PKD1L1: variants seen among roughly 807,000 people sequenced by gnomAD.
The protein encoded by PKD1L1 is polycystin 1 like 1, transient receptor potential channel interacting, also known as polycystin-1-like protein 1.
A neutral mutation model predicts 323.4 loss-of-function variants in PKD1L1; 236 were observed. That is an observed-to-expected ratio of 0.73 (90% CI 0.66 to 0.81). The LOEUF is 0.81. Among genes scored for constraint, PKD1L1 ranks in the 40% least tolerant of loss-of-function variants. The pLI is 0.00. For synonymous variants in PKD1L1, 1,344 were observed against 1,335.0 expected (o/e 1.01, Z -0.15); for missense variants, 3,320 against 3,508.0 (o/e 0.95, Z 1.35).
At position 47,835,003 on chromosome 7, in the gene PKD1L1, G is replaced by A. The variant is rs1202998362; in HGVS notation, c.6091C>T (p.Pro2031Ser). 6.2e-7 allele frequency: 1 copy of A among 1,613,906 alleles called. No homozygotes were observed. ...TCGGTCTGTGCTCCTCCTCTAAGTG[G>A]GCTGTGTGGCTCCACTCGGGCAGAC... ...PGSARVEPHS[P>S]LRGGAQTEAP... Residue 2031 changes from proline to serine, a missense_variant, in exon 39 of 57, where the codon CCA (proline) becomes TCA (serine). Transcript: ENST00000289672.
intron 6 of PKD1L1, 86 bp downstream of exon 6, chr7:47,931,018 C>T (rs1787758736): frequency 2.2e-6 from 3 of 1,336,392 alleles, no homozygotes; most frequent in African/African-American, 2.9e-5. Context: ...AACGAAGATA[C>T]TAAAATCACT....
At chr7:47,952,115 C>T (rs1369672921), upstream of PKD1L1, among the ~76,000 whole-genome samples, 1 of 152,218 alleles carries the variant, frequency 6.6e-6, no homozygotes, top group Admixed American at 6.5e-5. Flanking sequence ...CCTATCCCCA[C>T]TCCCAGCCCA....
chr7:47,852,864 G>T lies in PKD1L1; in HGVS notation c.4960+263C>A, dbSNP rs532988664. Among the ~76,000 whole-genome samples, 6 of 152,234 alleles carry T rather than the reference G, an allele frequency of 3.9e-5. No individual in the cohort carries two copies. In the East Asian group the frequency reaches 1.2e-3, roughly 29 times the overall value. ...AGCACAAGCAGAGCCCTAAGGATCAGGAGGAGGCGCCAGAGACCACCTGGG... is the reference window on the plus strand; with the variant it reads ...AGCACAAGCAGAGCCCTAAGGATCATGAGGAGGCGCCAGAGACCACCTGGG... On this transcript the variant is annotated intron_variant, in intron 31 of 56. Transcript: ENST00000289672.
chr7:47,899,398 C>G (rs962142672), intron 13 of PKD1L1, among the ~76,000 whole-genome samples: 5 of 147,662 alleles, frequency 3.4e-5, no homozygotes, highest in African/African-American at 1.2e-4. Context: ...CTTTAATAAG[C>G]CAATGAGGAT....
At chr7:47,845,342 T>C (rs1027425814) in intron 32 of PKD1L1, among the ~76,000 whole-genome samples, 1 of 152,176 alleles carries the variant, frequency 6.6e-6, no homozygotes, top group African/African-American at 2.4e-5. Flanking sequence ...CTCCACAGCA[T>C]ATGGCGGTCT....
the PKD1L1 span, among the ~76,000 whole-genome samples, chr7:47,958,994 GT>G: frequency 6.6e-6 from 1 of 152,234 alleles, no homozygotes; most frequent in Non-Finnish European, 1.5e-5. Context: ...ACTGGTTTTC[GT>G]ATTTTTTTGG....
chr7:47,796,797 C>T (rs1241769327), intron 54 of PKD1L1, among the ~76,000 whole-genome samples: 2 of 146,380 alleles, frequency 1.4e-5, no homozygotes, highest in Non-Finnish European at 3.0e-5. Flanking sequence ...ACCATCCTGG[C>T]TAACATGGTG....
At chr7:47,819,285 A>C (rs1785088799) in intron 46 of PKD1L1, among the ~76,000 whole-genome samples, 1 of 152,198 alleles carries the variant, frequency 6.6e-6, no homozygotes, top group Non-Finnish European at 1.5e-5. Flanking sequence ...GAATGTGAGC[A>C]CATCAATCTC....
At chr7:47,891,477 C>A (rs1249049970) in intron 15 of PKD1L1, among the ~76,000 whole-genome samples, 2 of 152,218 alleles carry the variant, frequency 1.3e-5, no homozygotes, top group Non-Finnish European at 2.9e-5. Flanking sequence ...GAAGGCCTGG[C>A]CCCATCCCGC....
In PKD1L1 at chr7:47,857,752, G is replaced by C. The variant is rs1187842686; in HGVS notation, c.4443C>G (p.Val1481=). ...TLLHYNLQSS[V]QSLGSVQVHL... ...GCACCTGGACAGATCCCAGGCTCTG[G>C]ACAGAGCTCTGAAGGTTGTAATGAA... is the stretch of plus-strand genomic sequence containing the variant. The change falls in exon 28 of 57, where the codon GTC becomes GTG. Residue 1481 remains valine (V), a synonymous_variant. Coordinates refer to ENST00000289672, the MANE Select transcript of PKD1L1 (RefSeq NM_138295.5). 3.1e-6 allele frequency: 5 copies of C among 1,614,120 alleles called. No homozygotes were observed. The highest frequency in any genetic ancestry group is 2.2e-5 in the East Asian group (1 of 44,856).
intron 48 of PKD1L1, 105 bp from the exon 49 acceptor site, chr7:47,813,398 G>A (rs1272465489): frequency 5.1e-6 from 6 of 1,187,582 alleles, no homozygotes; most frequent in Non-Finnish European, 7.3e-6. Flanking sequence ...GCTCTGTCCT[G>A]CAACATGGCA....
intron 9 of PKD1L1, among the ~76,000 whole-genome samples, chr7:47,907,115 G>T (rs538857698): frequency 6.6e-6 from 1 of 152,138 alleles, no homozygotes; most frequent in Non-Finnish European, 1.5e-5. Flanking sequence ...GTTAGGGTAG[G>T]CAAACAGGTT....
chr7:47,877,241 T>C (rs746203593), intron 22 of PKD1L1, among the ~76,000 whole-genome samples: 26 of 152,170 alleles, frequency 1.7e-4, no homozygotes, highest in Non-Finnish European at 3.4e-4. Flanking sequence ...CGACTCCTGG[T>C]GAGCAGGCCC....
Position 47,792,739 on chromosome 7 carries a change from C to G in PKD1L1, c.8414G>C (p.Gly2805Ala). The G allele has an allele frequency of 8.7e-6, 14 of 1,613,994 alleles. No homozygotes were observed. Among genetic ancestry groups the G allele is most frequent in the Non-Finnish European group, 1.1e-5 (13 of 1,179,968 alleles). Residue 2805 changes from glycine to alanine, a missense_variant, in exon 56 of 57, where the codon GGT becomes GCT. Gly to Ala is a moderately conservative substitution (Grantham distance 60). Transcript: ENST00000289672. ...GGGGAGTTGTAGGCTGTCGGACAAA[C>G]CATTAATCTTCATCAGAAGTTCGTC... ...LLDELLMKINGLSDSLQLPLL... is the reference protein window; with the variant it reads ...LLDELLMKINALSDSLQLPLL...
At position 47,908,130 on chromosome 7, in the gene PKD1L1, C is replaced by T. The variant is rs767033408; in HGVS notation, c.1349G>A (p.Ser450Asn). The part of the protein sequence containing the change: ...EAVSAFMNSS[S>N]VHEDEVLVFA... ...GACAAGCACTTCATCTTCATGGACA[C>T]TGCTGGAGTTCATGAACGCAGACAC... Residue 450 changes from serine (S) to asparagine (N), a missense_variant, in exon 9 of 57, where the codon AGT becomes AAT. Coordinates refer to ENST00000289672, the MANE Select transcript of PKD1L1 (RefSeq NM_138295.5). 6.2e-7 allele frequency: 1 copy of T among 1,614,212 alleles called. No individual in the cohort carries two copies. Among genetic ancestry groups the T allele is most frequent in the South Asian group, 1.1e-5 (1 of 91,086 alleles).
intron 45 of PKD1L1, among the ~76,000 whole-genome samples, chr7:47,823,852 T>C (rs1216746653): frequency 6.6e-6 from 1 of 152,240 alleles, no homozygotes; most frequent in Non-Finnish European, 1.5e-5. Flanking sequence ...AGGCTTTCAC[T>C]GGCTTTTATA....
intron 31 of PKD1L1, among the ~76,000 whole-genome samples, chr7:47,850,247 G>T (rs1785750375): frequency 6.6e-6 from 1 of 152,198 alleles, no homozygotes; most frequent in South Asian, 2.1e-4. Context: ...TAAGGCTGTT[G>T]AAAGATTTAG....
Position 47,877,343 on chromosome 7 carries a change from C to A in PKD1L1, c.3663+146G>T, listed in dbSNP as rs1191554486. 5.8e-6 allele frequency: 7 copies of A among 1,201,002 alleles called. No homozygotes were observed. In the East Asian group the frequency reaches 1.7e-4, roughly 29 times the overall value. The allele number at this position is 1,201,002 out of a possible 1,614,324, so 74.4% of individuals were successfully genotyped here. A position where few individuals can be genotyped will look rare whatever the true frequency, so the allele number is the denominator to read the frequency against. On this transcript the variant is annotated intron_variant, in intron 22 of 56. Transcript: ENST00000289672. ...GTGGGGAAGCCCATTCATGCCTAACCAACTTTCCAACATTCAACGGCAGGC... is the reference window on the plus strand; with the variant it reads ...GTGGGGAAGCCCATTCATGCCTAACAAACTTTCCAACATTCAACGGCAGGC...
chr7:47,885,807 C>A lies in PKD1L1; in HGVS notation c.3084G>T (p.Leu1028=), dbSNP rs983868161. 5 of 1,614,238 alleles carry A rather than the reference C, an allele frequency of 3.1e-6. No homozygotes were observed. Among genetic ancestry groups the A allele is most frequent in the South Asian group, 1.1e-5 (1 of 91,092 alleles). The change falls in exon 18 of 57, where the codon CTG becomes CTT. Residue 1028 remains leucine, a synonymous_variant. Transcript: ENST00000289672. ...GTGAACCTTCCTCTGGAGCCTCCCC[C>A]AGGACTGCAGAGTCCCCCGCAGGAG... ...WIPPAGDSAV[L]GEAPEEGSLD...
Sources: allele counts gnomAD v4.1 joint callset (sites outside exome capture counted in the v4.1 genomes callset), GRCh38; gene constraint gnomAD v4.1.1; transcripts MANE v1.5; gene names NCBI Gene and HGNC (gene_info 2026-07-23, HGNC 2026-07-21).